COMMD1: variants seen among roughly 807,000 people sequenced by gnomAD.
COMMD1 encodes COMM domain-containing protein 1.
COMMD1 carries 10 observed loss-of-function variants against 17.2 expected under a neutral mutation model. The ratio of observed to expected loss-of-function variants is 0.58; its 90% CI spans 0.36 to 0.99. The LOEUF is 0.99. Ranked by LOEUF, COMMD1 falls within the 50% of genes least tolerant of loss-of-function variation. The pLI is 0.01. For synonymous variants in COMMD1, 97 were observed against 91.6 expected, an observed-to-expected ratio of 1.06 and a Z score of -0.34; for missense variants, 270 against 231.8, an observed-to-expected ratio of 1.17 and a Z score of -1.07.
At chr2:61,911,434 C>T (rs1669903758) in intron 1 of COMMD1, among the ~76,000 whole-genome samples, 1 of 152,142 alleles carries the variant, frequency 6.6e-6, no homozygotes, top group South Asian at 2.1e-4. Flanking sequence ...CGGGATGGCA[C>T]CATTGCACTC....
At chr2:61,992,297 C>T (rs1672271495) in intron 1 of COMMD1, among the ~76,000 whole-genome samples, 1 of 152,132 alleles carries the variant, frequency 6.6e-6, no homozygotes, top group Non-Finnish European at 1.5e-5. Context: ...TAATTGCATT[C>T]CTGGAAAACT....
intron 1 of COMMD1, among the ~76,000 whole-genome samples, chr2:61,975,122 T>C (rs200037240): frequency 1.2e-4 from 15 of 120,842 alleles, no homozygotes; most frequent in African/African-American, 2.3e-4. Flanking sequence ...TTCTTTCTTT[T>C]TTTTTTTTTT....
intron 2 of COMMD1, among the ~76,000 whole-genome samples, chr2:62,068,612 A>G (rs1671117347): frequency 6.9e-6 from 1 of 144,046 alleles, no homozygotes; most frequent in Admixed American, 7.0e-5. Flanking sequence ...AGATAGTAGT[A>G]GTATAATCTT....
chr2:62,135,771 T>C (rs1021835700), intron 2 of COMMD1, 60 bp from the exon 3 acceptor site: 110 of 858,192 alleles, frequency 1.3e-4, no homozygotes, highest in Middle Eastern at 4.5e-4. Context: ...AGTTTGGTCA[T>C]GCCAGATGGC....
At chr2:62,011,559 G>A (rs545634878) in intron 2 of COMMD1, among the ~76,000 whole-genome samples, 3 of 152,050 alleles carry the variant, frequency 2.0e-5, no homozygotes, top group African/African-American at 7.2e-5. Flanking sequence ...GGCACATGGT[G>A]TTCAGTTAAT....
At chr2:62,086,521 A>G (rs895962354) in intron 2 of COMMD1, among the ~76,000 whole-genome samples, 275 of 152,278 alleles carry the variant, frequency 1.8e-3, no homozygotes, top group African/African-American at 5.8e-3. Flanking sequence ...AAAAAAAAAA[A>G]AAAAAATTGT....
intron 2 of COMMD1, among the ~76,000 whole-genome samples, chr2:62,095,369 T>C (rs1671971708): frequency 6.6e-6 from 1 of 152,194 alleles, no homozygotes; most frequent in Non-Finnish European, 1.5e-5. Flanking sequence ...GGCTAACTTA[T>C]ACAATAATTT....
chr2:61,903,894 A>G (rs1448114370), upstream of COMMD1, among the ~76,000 whole-genome samples: 1 of 152,166 alleles, frequency 6.6e-6, no homozygotes, highest in Non-Finnish European at 1.5e-5. Flanking sequence ...GAGAGAGGTC[A>G]GATATATAAG....
At chr2:61,973,702 C>T (rs1671712040) in intron 1 of COMMD1, among the ~76,000 whole-genome samples, 1 of 151,980 alleles carries the variant, frequency 6.6e-6, no homozygotes, top group Non-Finnish European at 1.5e-5. Context: ...TAGTATTTTG[C>T]TTTTCAAAAT....
At chr2:62,110,567 G>T (rs918205433) in intron 2 of COMMD1, among the ~76,000 whole-genome samples, 1 of 152,276 alleles carries the variant, frequency 6.6e-6, no homozygotes, top group Middle Eastern at 3.4e-3. Context: ...TCTGACAGAA[G>T]TGAAGAGTGA....
intron 1 of COMMD1, among the ~76,000 whole-genome samples, chr2:61,959,992 A>G (rs978524271): frequency 1.3e-5 from 2 of 152,208 alleles, no homozygotes; most frequent in African/African-American, 4.8e-5. Context: ...AAGAAAAGGA[A>G]GTTGCCCAGG....
intron 2 of COMMD1, among the ~76,000 whole-genome samples, chr2:62,089,754 C>G (rs1373234943): frequency 2.0e-5 from 3 of 152,116 alleles, no homozygotes; most frequent in African/African-American, 7.2e-5. Context: ...GGGCGTGACT[C>G]CCAAGACTCC....
intron 1 of COMMD1, among the ~76,000 whole-genome samples, chr2:61,973,400 G>A (rs1039333540): frequency 1.3e-5 from 2 of 152,226 alleles, no homozygotes; most frequent in African/African-American, 4.8e-5. Flanking sequence ...TGGTGAGGAT[G>A]TGGAGAAACT....
intron 2 of COMMD1, among the ~76,000 whole-genome samples, chr2:62,108,434 C>A (rs1318603054): frequency 6.6e-6 from 1 of 151,950 alleles, no homozygotes; most frequent in Non-Finnish European, 1.5e-5. Context: ...ATCTTATATA[C>A]CATTTTTAAC....
chr2:61,894,844 A>C (rs541489540), intron 1 of COMMD1, among the ~76,000 whole-genome samples: 1 of 151,892 alleles, frequency 6.6e-6, no homozygotes, highest in Non-Finnish European at 1.5e-5. Flanking sequence ...GATTACAGGC[A>C]TGCACCACCA....
intron 2 of COMMD1, among the ~76,000 whole-genome samples, chr2:62,129,295 C>A (rs1325993741): frequency 1.3e-5 from 2 of 152,124 alleles, no homozygotes; most frequent in African/African-American, 2.4e-5. Context: ...TTGCCTGAAC[C>A]CAACTGTAAG....
rs375770579 is a variant in COMMD1, at chr2:62,103,049, G to C, written c.463-32782G>C. The stretch of plus-strand genomic sequence containing the variant: ...GCTGGAGTGCAGTGGCGCGATCTCC[G>C]CTCACTGCAAGCTGCGCCTCCTGGG... On this transcript the variant is annotated intron_variant, in intron 2 of 2. Transcript: ENST00000311832. Among the ~76,000 whole-genome samples the C allele has an allele frequency of 1.2e-4, 18 of 149,732 alleles. No homozygotes were observed. In the East Asian group the frequency reaches 2.0e-3, roughly 16 times the overall value.
At chr2:61,953,544 T>TGCC (rs1671114763) in intron 1 of COMMD1, among the ~76,000 whole-genome samples, 1 of 151,926 alleles carries the variant, frequency 6.6e-6, no homozygotes, top group Admixed American at 6.6e-5. Context: ...ATTTCTTTTG[T>TGCC]ATTTTAGTAG....
intron 1 of COMMD1, among the ~76,000 whole-genome samples, chr2:61,967,018 TC>T (rs1223563928): frequency 2.0e-5 from 3 of 152,178 alleles, no homozygotes; most frequent in South Asian, 2.1e-4. Context: ...CTTCCTGACT[TC>T]CATAGCCAGC....
Sources: gnomAD v4.1 joint callset for allele counts (sites outside exome capture counted in the v4.1 genomes callset) on GRCh38, gnomAD v4.1.1 for gene constraint, MANE v1.5 for transcripts, NCBI Gene and HGNC (gene_info 2026-07-23, HGNC 2026-07-21) for gene names.